Variants in EEF1G observed in about 807,000 individuals in gnomAD.
EEF1G encodes elongation factor 1-gamma.
A neutral mutation model predicts 58.3 loss-of-function variants in EEF1G; 14 were observed. The ratio of observed to expected loss-of-function variants is 0.24; its 90% confidence interval spans 0.16 to 0.38. The LOEUF is 0.38. Ranked by LOEUF, EEF1G falls within the 10% of genes least tolerant of loss-of-function variation. The pLI is 1.00. For synonymous variants in EEF1G, 180 were observed against 206.8 expected (o/e 0.87, Z 1.11); for missense variants, 322 against 550.1 (o/e 0.59, Z 4.15).
rs778416318 is a variant in EEF1G at position 62,571,292 on chromosome 11, C to G, written c.379-184G>C. On this transcript the variant is annotated intron_variant, in intron 4 of 9. Coordinates refer to ENST00000329251, the MANE Select transcript of EEF1G (RefSeq NM_001404.5). ...ACAAACAATGAACTTCAGAGGTCCT[C>G]TGGTCCAGCCACCCCCTTACCATTT... Among the ~76,000 whole-genome samples, 76 of 152,162 alleles carry G rather than the reference C, an allele frequency of 5.0e-4. 1 individual carries two copies. The highest frequency in any genetic ancestry group is 2.1e-3 in the South Asian group (10 of 4,828).
chr11:62,561,342 G>A (rs991649187), intron 7 of EEF1G, among the ~76,000 whole-genome samples: 4 of 151,624 alleles, frequency 2.6e-5, no homozygotes, highest in Admixed American at 6.6e-5. Context: ...TCGCGCCACT[G>A]CACTCCAGCC....
chr11:62,560,572 C>A (rs910859314), intron 7 of EEF1G, 118 bp from the exon 8 acceptor site: 10 of 1,149,786 alleles, frequency 8.7e-6, no homozygotes, highest in Non-Finnish European at 1.2e-5. Flanking sequence ...ATTGTGCTGG[C>A]AGATGTGTAT....
At chr11:62,572,981 A>C (rs1941654237) in intron 1 of EEF1G, 1 of 361,900 alleles carries the variant, frequency 2.8e-6, no homozygotes, top group Non-Finnish European at 5.0e-6. Context: ...TTCCCTAAGG[A>C]CACCTCTGGA....
At chr11:62,572,108 T>C (rs980959695) in intron 2 of EEF1G, among the ~76,000 whole-genome samples, 7 of 152,072 alleles carry the variant, frequency 4.6e-5, no homozygotes, top group South Asian at 4.1e-4. Context: ...GGAAGCCCAA[T>C]AGATTTGAAT....
chr11:62,567,054 T>C, intron 6 of EEF1G, 44 bp from the exon 7 acceptor site: 1 of 1,594,818 alleles, frequency 6.3e-7, no homozygotes, highest in South Asian at 1.1e-5. Context: ...GTTCTGCCTC[T>C]TTCCACACCC....
At chr11:62,570,800 C>T (rs1590711209) in intron 5 of EEF1G, among the ~76,000 whole-genome samples, 165 bp downstream of exon 5, 1 of 152,316 alleles carries the variant, frequency 6.6e-6, no homozygotes, top group East Asian at 1.9e-4. Context: ...AGGTGATCTG[C>T]CTACCTCGGC....
chr11:62,568,310 C>T (rs963352969), intron 5 of EEF1G, among the ~76,000 whole-genome samples: 4 of 146,702 alleles, frequency 2.7e-5, no homozygotes, highest in African/African-American at 1.0e-4. Flanking sequence ...CTCACTTAAA[C>T]CCAGGAGGTG....
At chr11:62,568,089 G>A (rs929810542) in intron 5 of EEF1G, among the ~76,000 whole-genome samples, 3 of 151,716 alleles carry the variant, frequency 2.0e-5, no homozygotes, top group African/African-American at 7.3e-5. Context: ...TTAGCTGGGC[G>A]TGATGGCGGG....
intron 7 of EEF1G, among the ~76,000 whole-genome samples, chr11:62,561,394 G>C (rs1248646725): frequency 6.7e-6 from 1 of 150,354 alleles, no homozygotes; most frequent in Non-Finnish European, 1.5e-5. Flanking sequence ...GAAAAAAAAG[G>C]ACAGGCAGGG....
At chr11:62,571,480 C>T (rs188789759) in intron 4 of EEF1G, 60 bp downstream of exon 4, 2 of 1,531,210 alleles carry the variant, frequency 1.3e-6, no homozygotes, top group Admixed American at 2.1e-5. Context: ...TTCTTACTCC[C>T]AACACCCAGG....
chr11:62,567,684 C>A, intron 5 of EEF1G, among the ~76,000 whole-genome samples, 156 bp from the exon 6 acceptor site: 1 of 151,050 alleles, frequency 6.6e-6, no homozygotes. Context: ...CCCTGGATTA[C>A]TTCCCATTTC....
intron 7 of EEF1G, among the ~76,000 whole-genome samples, chr11:62,565,981 G>T (rs144460337): frequency 1.3e-5 from 2 of 152,200 alleles, no homozygotes; most frequent in Non-Finnish European, 2.9e-5. Flanking sequence ...AAAGATGAAC[G>T]GCTTTGGAAA....
intron 7 of EEF1G, among the ~76,000 whole-genome samples, chr11:62,562,405 G>T (rs1224022586): frequency 6.6e-6 from 1 of 152,094 alleles, no homozygotes; most frequent in Non-Finnish European, 1.5e-5. Context: ...ATGTGTGTGT[G>T]TGCATATACA....
chr11:62,560,460 A>G lies in EEF1G; in HGVS notation c.858-6T>C. On this transcript the variant is annotated splice_region_variant and splice_polypyrimidine_tract_variant and intron_variant, in intron 7 of 9. Transcript: ENST00000329251. ...ATTCATCCAACACAAAGGTACTAAG[A>G]GGAAGAAAGCACAGGGGTCAATCAA... The G allele has an allele frequency of 6.2e-7, 1 of 1,609,356 alleles. No homozygotes were observed. Among genetic ancestry groups the G allele is most frequent in the South Asian group, 1.1e-5 (1 of 90,034 alleles).
chr11:62,567,206 A>C (rs923388525), intron 6 of EEF1G, 193 bp downstream of exon 6: 5 of 927,890 alleles, frequency 5.4e-6, no homozygotes, highest in South Asian at 3.5e-5. Flanking sequence ...TTTATATCGC[A>C]AATCTATATA....
chr11:62,562,565 TCTAC>T (rs1306556635), intron 7 of EEF1G, among the ~76,000 whole-genome samples: 2 of 152,058 alleles, frequency 1.3e-5, no homozygotes, highest in African/African-American at 4.8e-5. Context: ...CACTGCAACC[TCTAC>T]CTACCGGGTT....
intron 7 of EEF1G, among the ~76,000 whole-genome samples, chr11:62,561,043 G>C (rs1941488175): frequency 6.6e-6 from 1 of 152,170 alleles, no homozygotes; most frequent in African/African-American, 2.4e-5. Flanking sequence ...AGCCAAGAAT[G>C]CCAGCATCAA....
intron 2 of EEF1G, 66 bp from the exon 3 acceptor site, chr11:62,571,967 G>A (rs1941639050): frequency 2.2e-6 from 3 of 1,371,726 alleles, no homozygotes; most frequent in Admixed American, 3.9e-5. Flanking sequence ...AATACCAGGA[G>A]CCAAACTGCT....
chr11:62,567,081 A>T (rs1431534278), intron 6 of EEF1G, 71 bp from the exon 7 acceptor site: 1 of 1,517,006 alleles, frequency 6.6e-7, no homozygotes, highest in Non-Finnish European at 9.1e-7. Context: ...AACCACACAG[A>T]GCAAGCAAGG....
Sources: allele counts gnomAD v4.1 joint callset (sites outside exome capture counted in the v4.1 genomes callset), GRCh38; gene constraint gnomAD v4.1.1; transcripts MANE v1.5; gene names NCBI Gene and HGNC (gene_info 2026-07-23, HGNC 2026-07-21).